The following IQGAP1 variants were observed in gnomAD, a reference collection of about 807,000 sequenced individuals.
IQGAP1 encodes ras GTPase-activating-like protein IQGAP1.
Under a neutral mutation model 215.6 loss-of-function variants are expected in IQGAP1, and 66 were observed. The observed-to-expected ratio is 0.31, with a 90% CI of 0.25 to 0.38. IQGAP1 has a LOEUF of 0.38. IQGAP1 is among the 10% of genes least tolerant of loss of function. The pLI is 1.00. For synonymous variants in IQGAP1, 772 were observed against 728.7 expected, an observed-to-expected ratio of 1.06 and a Z score of -0.96; for missense variants, 1,712 against 1,997.1, an observed-to-expected ratio of 0.86 and a Z score of 2.72.
intron 36 of IQGAP1, 120 bp from the exon 37 acceptor site, chr15:90,497,112 C>G (rs768498287): frequency 3.3e-6 from 2 of 612,878 alleles, no homozygotes; most frequent in Non-Finnish European, 5.9e-6. Context: ...TACTTTTGAC[C>G]TGTATTTTCT....
intron 2 of IQGAP1, among the ~76,000 whole-genome samples, chr15:90,420,118 A>G (rs1006977068): frequency 2.0e-5 from 3 of 152,196 alleles, no homozygotes; most frequent in Admixed American, 6.6e-5. Flanking sequence ...AATTGTCAGC[A>G]TGTGACTCAT....
At chr15:90,486,241 G>C in intron 31 of IQGAP1, 109 bp downstream of exon 31, 1 of 650,270 alleles carries the variant, frequency 1.5e-6, no homozygotes, top group South Asian at 1.9e-5. Context: ...GATATACATT[G>C]AGAAATAAAA....
intron 19 of IQGAP1, among the ~76,000 whole-genome samples, chr15:90,473,366 C>G (rs1567137780): frequency 6.6e-6 from 1 of 152,172 alleles, no homozygotes; most frequent in Non-Finnish European, 1.5e-5. Context: ...TACTGCCAGA[C>G]AGTGGTGAAT....
At chr15:90,390,049 C>T (rs1490969312) in intron 1 of IQGAP1, among the ~76,000 whole-genome samples, 1 of 151,692 alleles carries the variant, frequency 6.6e-6, no homozygotes, top group Non-Finnish European at 1.5e-5. Context: ...TAGAGGGATA[C>T]TGTGTTGGGA....
At position 90,474,126 on chromosome 15, in the gene IQGAP1, G is replaced by A. The variant is rs370020634; in HGVS notation, c.2568G>A (p.Lys856=). 4.8e-4 allele frequency: 775 copies of A among 1,610,912 alleles called. 8 individuals carry two copies. The South Asian group carries it at 6.8e-3, about 14-fold the overall frequency. ...CAAACAAAGCTCGGGATGACTACAA[G>A]ACTCTCAGTGAGTAACTGGCTCCGC... The part of the protein sequence containing the change: ...IRANKARDDY[K]TLINAEDPPM... The change falls in exon 22 of 38, where the codon AAG becomes AAA. Residue 856 remains lysine, a synonymous_variant. Transcript: ENST00000268182.
chr15:90,396,074 A>G (rs1964714934), intron 2 of IQGAP1, among the ~76,000 whole-genome samples: 1 of 152,246 alleles, frequency 6.6e-6, no homozygotes, highest in Non-Finnish European at 1.5e-5. Context: ...CGAGCTTAGC[A>G]CTAAGTAGAA....
intron 2 of IQGAP1, among the ~76,000 whole-genome samples, chr15:90,425,046 A>C (rs1965200984): frequency 1.3e-5 from 2 of 152,090 alleles, no homozygotes; most frequent in Middle Eastern, 6.8e-3. Flanking sequence ...CCAGTGGCTC[A>C]CACCTGTAAT....
intron 6 of IQGAP1, 70 bp from the exon 7 acceptor site, chr15:90,440,432 A>G (rs1596267044): frequency 9.6e-7 from 1 of 1,042,614 alleles, no homozygotes; most frequent in East Asian, 2.6e-5. Context: ...TAGTTGAGGA[A>G]TATGTTTCCT....
At chr15:90,396,014 G>A (rs1964713871) in intron 2 of IQGAP1, among the ~76,000 whole-genome samples, 1 of 152,192 alleles carries the variant, frequency 6.6e-6, no homozygotes, top group Non-Finnish European at 1.5e-5. Context: ...AGAAGGGAAG[G>A]TAGGAACGCT....
rs1207912291 is a variant in IQGAP1, at chr15:90,500,405, G to C, written c.*297G>C. The stretch of plus-strand genomic sequence containing the variant: ...ATTTCTCTGTGTTGTTACAGTCTTA[G>C]AGGTTGCAGTACTATATTGTAAGCT... On this transcript the variant is annotated 3_prime_UTR_variant, in exon 38 of 38. Transcript: ENST00000268182. 1 of 306,646 alleles carries C rather than the reference G, an allele frequency of 3.3e-6. No individual in the cohort carries two copies. The highest frequency in any genetic ancestry group is 6.3e-6 in the Non-Finnish European group (1 of 158,968). The allele number at this position is 306,646 out of a possible 1,614,324, so 19.0% of individuals were successfully genotyped here.
At chr15:90,424,478 C>T (rs748513021) in intron 2 of IQGAP1, among the ~76,000 whole-genome samples, 47 of 152,222 alleles carry the variant, frequency 3.1e-4, no homozygotes, top group Non-Finnish European at 6.5e-4. Flanking sequence ...CTGGCCCATT[C>T]ATATACCCAT....
At chr15:90,409,134 G>C (rs938628352) in intron 2 of IQGAP1, among the ~76,000 whole-genome samples, 2 of 150,600 alleles carry the variant, frequency 1.3e-5, no homozygotes, top group Non-Finnish European at 2.9e-5. Flanking sequence ...TTTCTCTTTA[G>C]CACATGAACA....
intron 9 of IQGAP1, among the ~76,000 whole-genome samples, chr15:90,444,548 T>C (rs754288566): frequency 5.6e-4 from 86 of 152,286 alleles, no homozygotes; most frequent in South Asian, 1.4e-3. Flanking sequence ...CCTCCCAAAT[T>C]GCTGGGATTA....
At chr15:90,405,468 T>C (rs527542455) in intron 2 of IQGAP1, among the ~76,000 whole-genome samples, 1 of 152,372 alleles carries the variant, frequency 6.6e-6, no homozygotes, top group East Asian at 1.9e-4. Context: ...ACATAATTTA[T>C]TCTTTGTGTA....
chr15:90,480,051 T>G (rs1024477911), intron 26 of IQGAP1, among the ~76,000 whole-genome samples: 3 of 151,980 alleles, frequency 2.0e-5, no homozygotes, highest in Admixed American at 2.0e-4. Context: ...TTGGTTTTCT[T>G]GTGGGTACCT....
intron 15 of IQGAP1, among the ~76,000 whole-genome samples, chr15:90,462,331 T>C (rs1388610934): frequency 6.6e-6 from 1 of 152,236 alleles, no homozygotes; most frequent in Non-Finnish European, 1.5e-5. Context: ...GGTACATTGT[T>C]ACTGTCCCAA....
chr15:90,400,291 A>G (rs889402053), intron 2 of IQGAP1, among the ~76,000 whole-genome samples: 1 of 152,146 alleles, frequency 6.6e-6, no homozygotes, highest in Non-Finnish European at 1.5e-5. Context: ...TGTGTCTCAC[A>G]TACATCTTTT....
intron 2 of IQGAP1, among the ~76,000 whole-genome samples, chr15:90,395,601 T>G (rs1266173963): frequency 6.6e-6 from 1 of 152,218 alleles, no homozygotes; most frequent in Non-Finnish European, 1.5e-5. Context: ...ATTACAGGCG[T>G]GAGCCACTGC....
intron 9 of IQGAP1, among the ~76,000 whole-genome samples, 164 bp downstream of exon 9, chr15:90,443,642 C>T (rs979805438): frequency 6.6e-6 from 1 of 152,132 alleles, no homozygotes; most frequent in Non-Finnish European, 1.5e-5. Context: ...TCTATGCCTC[C>T]GTTTTAATTA....
Sources: allele counts gnomAD v4.1 joint callset (sites outside exome capture counted in the v4.1 genomes callset), GRCh38; gene constraint gnomAD v4.1.1; transcripts MANE v1.5; gene names NCBI Gene and HGNC (gene_info 2026-07-23, HGNC 2026-07-21).